Variants in NRIP1 observed in about 807,000 individuals in gnomAD.
NRIP1 encodes the protein nuclear receptor-interacting protein 1.
NRIP1 carries 28 observed loss-of-function variants against 75.0 expected under a neutral mutation model. The observed-to-expected ratio is 0.37, with a 90% confidence interval of 0.28 to 0.51. NRIP1 has a LOEUF of 0.51. Among genes scored for constraint, NRIP1 ranks in the 20% least tolerant of loss-of-function variants. The pLI, the probability that NRIP1 is intolerant of heterozygous loss-of-function variation, is 0.92. For missense variants in NRIP1, 1,435 were observed against 1,343.7 expected (o/e 1.07, Z -1.06); for synonymous variants, 526 against 487.6 (o/e 1.08, Z -1.04).
At chr21:14,974,320 A>G (rs541516516) in intron 3 of NRIP1, 2 of 152,310 alleles carry the variant, frequency 1.3e-5, no homozygotes, top group Non-Finnish European at 2.9e-5. Context: ...GATTTCAGGT[A>G]TGTGTTTAAA....
At chr21:15,040,685 AGAG>A (rs1246061016) in intron 2 of NRIP1, among the ~76,000 whole-genome samples, 2 of 152,110 alleles carry the variant, frequency 1.3e-5, no homozygotes, top group African/African-American at 4.8e-5. Flanking sequence ...ATAAGTACAT[AGAG>A]GAGGATATTG....
chr21:14,992,078 C>A (rs1275013321), intron 3 of NRIP1, among the ~76,000 whole-genome samples: 1 of 152,126 alleles, frequency 6.6e-6, no homozygotes, highest in Non-Finnish European at 1.5e-5. Context: ...CACTCTGTTG[C>A]CCAGGCCTGA....
At chr21:15,045,692 G>A (rs974693970) in intron 1 of NRIP1, among the ~76,000 whole-genome samples, 6 of 152,150 alleles carry the variant, frequency 3.9e-5, no homozygotes, top group East Asian at 1.9e-4. Flanking sequence ...AGCATGTAAT[G>A]CTGTTTGATA....
intron 2 of NRIP1, among the ~76,000 whole-genome samples, chr21:15,029,399 G>T (rs1018158947): frequency 6.6e-6 from 1 of 151,996 alleles, no homozygotes; most frequent in Non-Finnish European, 1.5e-5. Context: ...GTCACCCTCC[G>T]AGTAAGGCCT....
chr21:15,015,022 C>T (rs973808239), intron 2 of NRIP1, among the ~76,000 whole-genome samples: 1 of 151,976 alleles, frequency 6.6e-6, no homozygotes, highest in African/African-American at 2.4e-5. Flanking sequence ...AACTGAAATG[C>T]CCATCAATAG....
chr21:15,038,547 C>A (rs1382141726), intron 2 of NRIP1, among the ~76,000 whole-genome samples: 3 of 151,888 alleles, frequency 2.0e-5, no homozygotes, highest in African/African-American at 7.3e-5. Flanking sequence ...GAAAAAAACA[C>A]ATATTTATAC....
intron 3 of NRIP1, among the ~76,000 whole-genome samples, chr21:14,998,721 G>C (rs1001533301): frequency 6.6e-6 from 1 of 152,160 alleles, no homozygotes; most frequent in Admixed American, 6.6e-5. Context: ...AGCAAAGAGT[G>C]AATATATTTT....
At chr21:15,012,879 C>A (rs1015600930) in intron 3 of NRIP1, among the ~76,000 whole-genome samples, 1 of 152,136 alleles carries the variant, frequency 6.6e-6, no homozygotes, top group Non-Finnish European at 1.5e-5. Flanking sequence ...ATCCAGTGAG[C>A]ATTGCTTATC....
chr21:15,027,942 T>TA (rs1029835285), intron 2 of NRIP1, among the ~76,000 whole-genome samples: 10 of 151,864 alleles, frequency 6.6e-5, no homozygotes, highest in Admixed American at 5.9e-4. Flanking sequence ...TACTTCCATC[T>TA]AAAAAAAATA....
rs748076305 is a variant in NRIP1 at position 14,965,811 on chromosome 21, G to C, written c.2382C>G (p.Ala794=). Residue 794 remains alanine (A), a synonymous_variant, in exon 4 of 4, where the codon GCC becomes GCG. Transcript: ENST00000318948. The part of the protein sequence containing the change: ...MAPAVQRSAP[A]LPVSEDFKSE... ...ATTTAAAGTCTTCGGACACTGGTAAGGCAGGTGCGCTTCTCTGCACAGCAG... is the reference window on the plus strand; with the variant it reads ...ATTTAAAGTCTTCGGACACTGGTAACGCAGGTGCGCTTCTCTGCACAGCAG... 2 of 1,613,968 alleles carry C rather than the reference G, an allele frequency of 1.2e-6. No homozygotes were observed. The highest frequency in any genetic ancestry group is 3.3e-5 in the Admixed American group (2 of 59,986).
chr21:15,028,812 A>G (rs2088580350), intron 2 of NRIP1, among the ~76,000 whole-genome samples: 2 of 152,150 alleles, frequency 1.3e-5, no homozygotes, highest in East Asian at 3.8e-4. Flanking sequence ...TTAATGGTCA[A>G]TATCGTTCTT....
intron 3 of NRIP1, among the ~76,000 whole-genome samples, chr21:15,000,873 AC>A (rs1396869828): frequency 6.6e-6 from 1 of 152,172 alleles, no homozygotes; most frequent in African/African-American, 2.4e-5. Flanking sequence ...TTCTTTGAAA[AC>A]ATCCCCTTTA....
intron 2 of NRIP1, among the ~76,000 whole-genome samples, chr21:15,033,487 A>C (rs1019874434): frequency 6.6e-6 from 1 of 152,162 alleles, no homozygotes; most frequent in East Asian, 1.9e-4. Flanking sequence ...ACTTCAATCC[A>C]TTTACCCATA....
chr21:15,055,043 G>C (rs2089277014), intron 1 of NRIP1, among the ~76,000 whole-genome samples: 1 of 152,188 alleles, frequency 6.6e-6, no homozygotes, highest in South Asian at 2.1e-4. Flanking sequence ...TCTACACATA[G>C]GTTTCTTCTC....
chr21:15,027,642 GCTTA>G (rs1568990401), intron 2 of NRIP1, among the ~76,000 whole-genome samples: 1 of 152,152 alleles, frequency 6.6e-6, no homozygotes, highest in African/African-American at 2.4e-5. Context: ...ATAAATGCTT[GCTTA>G]CTTAATTACT....
In NRIP1 at chr21:14,996,390, G is replaced by A. The variant is rs74680498; in HGVS notation, c.-335+17954C>T. On this transcript the variant is annotated intron_variant, in intron 3 of 3. Coordinates refer to ENST00000318948, the MANE Select transcript of NRIP1 (RefSeq NM_003489.4). Reference sequence around the variant, plus strand: ...TGCTCTCCGGTCTTTGGGCGTCTGTGTGAGTGGTTCTCTCTTTTGAGAAAG... The same window carrying A: ...TGCTCTCCGGTCTTTGGGCGTCTGTATGAGTGGTTCTCTCTTTTGAGAAAG... Among the ~76,000 whole-genome samples, 1,809 of 152,276 alleles carry A rather than the reference G, an allele frequency of 0.012. 145 individuals carry two copies. In the East Asian group the frequency reaches 0.22, roughly 19 times the overall value.
At chr21:15,030,599 A>T (rs887699738) in intron 2 of NRIP1, among the ~76,000 whole-genome samples, 1 of 152,238 alleles carries the variant, frequency 6.6e-6, no homozygotes, top group Non-Finnish European at 1.5e-5. Context: ...CAAAGGCAGT[A>T]CAAATATAGA....
intron 3 of NRIP1, among the ~76,000 whole-genome samples, chr21:14,978,024 G>T (rs2087123110): frequency 6.6e-6 from 1 of 152,184 alleles, no homozygotes; most frequent in Non-Finnish European, 1.5e-5. Flanking sequence ...ACTGCAACCT[G>T]AAGGACTTAA....
intron 3 of NRIP1, among the ~76,000 whole-genome samples, chr21:14,993,784 A>G (rs2087638543): frequency 6.9e-6 from 1 of 145,070 alleles, no homozygotes; most frequent in Admixed American, 7.4e-5. Context: ...GATATGTCTC[A>G]AAAAAAAAAA....
Sources: gnomAD v4.1 joint callset for allele counts (sites outside exome capture counted in the v4.1 genomes callset) on GRCh38, gnomAD v4.1.1 for gene constraint, MANE v1.5 for transcripts, NCBI Gene and HGNC (gene_info 2026-07-23, HGNC 2026-07-21) for gene names.